The following MED27 variants were observed in gnomAD, a reference collection of about 807,000 sequenced individuals.
The protein encoded by MED27 is mediator complex subunit 27.
MED27 carries 30 observed loss-of-function variants against 38.2 expected under a neutral mutation model. That is an observed-to-expected ratio of 0.79 (90% CI 0.59 to 1.07). The LOEUF (loss-of-function observed/expected upper bound fraction) is 1.07, where lower values mean the gene tolerates loss of function less well. MED27 is among the 50% of genes least tolerant of loss of function. The pLI is 0.00. For synonymous variants in MED27, 122 were observed against 153.5 expected, an observed-to-expected ratio of 0.79 and a Z score of 1.52; for missense variants, 289 against 397.5, an observed-to-expected ratio of 0.73 and a Z score of 2.32.
chr9:132,004,108 G>A (rs1435201642), intron 3 of MED27, among the ~76,000 whole-genome samples: 1 of 152,158 alleles, frequency 6.6e-6, no homozygotes, highest in Non-Finnish European at 1.5e-5. Context: ...CCCCCGGGAC[G>A]CAGCAGGGGA....
At chr9:131,908,497 TAGAC>T (rs1830123359) in intron 4 of MED27, among the ~76,000 whole-genome samples, 1 of 152,132 alleles carries the variant, frequency 6.6e-6, no homozygotes, top group African/African-American at 2.4e-5. Flanking sequence ...TAGAAAGAAG[TAGAC>T]ATGGGAGACT....
intron 2 of MED27, among the ~76,000 whole-genome samples, chr9:132,050,669 T>C (rs946791977): frequency 6.6e-6 from 1 of 152,164 alleles, no homozygotes; most frequent in Non-Finnish European, 1.5e-5. Flanking sequence ...TGCAGTTTCC[T>C]CTGCTGGAAG....
intron 2 of MED27, among the ~76,000 whole-genome samples, chr9:132,015,034 T>C (rs1832571464): frequency 1.3e-5 from 2 of 152,188 alleles, no homozygotes; most frequent in African/African-American, 4.8e-5. Flanking sequence ...TTGCTTATAA[T>C]AAAAACCATA....
chr9:132,054,909 G>A (rs1470672979), intron 2 of MED27, among the ~76,000 whole-genome samples: 2 of 152,152 alleles, frequency 1.3e-5, no homozygotes, highest in Non-Finnish European at 2.9e-5. Context: ...CCTGTCAGAA[G>A]CAGTCACCCT....
At chr9:132,073,365 T>C in intron 2 of MED27, 3 of 1,014,836 alleles carry the variant, frequency 3.0e-6, no homozygotes, top group Non-Finnish European at 3.5e-6. Context: ...CTTCGATTCA[T>C]TTATTCTTTC....
At chr9:132,068,340 C>T (rs1455188964) in intron 2 of MED27, among the ~76,000 whole-genome samples, 2 of 152,176 alleles carry the variant, frequency 1.3e-5, no homozygotes, top group East Asian at 3.8e-4. Flanking sequence ...AGAAAGCCTC[C>T]AAGTGCCAGC....
chr9:131,954,629 A>G lies in MED27; in HGVS notation c.480-15155T>C, dbSNP rs963005651. Among the ~76,000 whole-genome samples, 12 of 152,146 alleles carry G rather than the reference A, an allele frequency of 7.9e-5. 1 individual carries two copies. Among genetic ancestry groups the G allele is most frequent in the African/African-American group, 2.9e-4 (12 of 41,410 alleles). On this transcript the variant is annotated intron_variant, in intron 3 of 7. Coordinates refer to ENST00000292035, the MANE Select transcript of MED27 (RefSeq NM_004269.4). ...TTATATTGTATATCAGAGGAGAAAGAAAGTGAATCAATTTGACCCCTCTGC... is the reference window on the plus strand; with the variant it reads ...TTATATTGTATATCAGAGGAGAAAGGAAGTGAATCAATTTGACCCCTCTGC...
At chr9:131,908,255 G>A (rs1280230545) in intron 4 of MED27, among the ~76,000 whole-genome samples, 1 of 147,708 alleles carries the variant, frequency 6.8e-6, no homozygotes, top group Non-Finnish European at 1.5e-5. Context: ...AGGGAGGTGG[G>A]GGGGTCAGCC....
At chr9:131,920,150 C>A (rs1589212487) in intron 4 of MED27, among the ~76,000 whole-genome samples, 1 of 152,132 alleles carries the variant, frequency 6.6e-6, no homozygotes, top group Non-Finnish European at 1.5e-5. Context: ...AACAATACTT[C>A]GGTGTCTTAA....
chr9:132,066,861 AT>A (rs1833821222), intron 2 of MED27, among the ~76,000 whole-genome samples: 1 of 152,230 alleles, frequency 6.6e-6, no homozygotes, highest in Non-Finnish European at 1.5e-5. Context: ...AATGAAAAAA[AT>A]AATAAAAATA....
intron 3 of MED27, among the ~76,000 whole-genome samples, chr9:131,968,879 G>A (rs1456447101): frequency 6.6e-6 from 1 of 152,154 alleles, no homozygotes; most frequent in Non-Finnish European, 1.5e-5. Flanking sequence ...TGTCAGCTCA[G>A]CAGCCGCCTT....
chr9:131,882,915 T>G (rs1376354315), intron 6 of MED27, among the ~76,000 whole-genome samples: 2 of 151,868 alleles, frequency 1.3e-5, no homozygotes, highest in Non-Finnish European at 2.9e-5. Flanking sequence ...GGATACTTTT[T>G]TTTTTTTTTT....
intron 6 of MED27, chr9:131,868,824 G>A (rs1170720654): frequency 1.6e-5 from 16 of 985,340 alleles, no homozygotes; most frequent in Non-Finnish European, 1.7e-5. Context: ...CTACAGTTCC[G>A]ACGCCAGGCA....
At chr9:132,079,074 G>A (rs1834117020) in intron 1 of MED27, among the ~76,000 whole-genome samples, 1 of 152,152 alleles carries the variant, frequency 6.6e-6, no homozygotes, top group South Asian at 2.1e-4. Context: ...AACTCCCACA[G>A]GAGTGGGAGT....
intron 2 of MED27, among the ~76,000 whole-genome samples, chr9:132,046,329 T>C (rs1833336504): frequency 6.6e-6 from 1 of 152,192 alleles, no homozygotes; most frequent in African/African-American, 2.4e-5. Context: ...TTTTTTCTAA[T>C]GCTCACAAAA....
Position 131,913,020 on chromosome 9 carries a change from C to T in MED27, c.574-19028G>A, listed in dbSNP as rs1040592861. Reference sequence around the variant, plus strand: ...GGGTAGGTACAATCTACATATAAGTCCCAACTGCACACTAAATTTATCAAC... The same window carrying T: ...GGGTAGGTACAATCTACATATAAGTTCCAACTGCACACTAAATTTATCAAC... On this transcript the variant is annotated intron_variant, in intron 4 of 7. Coordinates refer to ENST00000292035, the MANE Select transcript of MED27 (RefSeq NM_004269.4). This position sits in a 1 kb window ranked among gnomAD's most constrained non-coding sequence, Gnocchi z 4.5. 5.3e-5 allele frequency among the ~76,000 whole-genome samples: 8 copies of T among 152,302 alleles called. No individual in the cohort carries two copies. Among genetic ancestry groups the T allele is most frequent in the African/African-American group, 1.9e-4 (8 of 41,570 alleles).
chr9:131,905,819 T>C (rs1830051710), intron 4 of MED27, among the ~76,000 whole-genome samples: 1 of 151,896 alleles, frequency 6.6e-6, no homozygotes, highest in Non-Finnish European at 1.5e-5. Flanking sequence ...CAGAGCTGCC[T>C]TGGACTGCAA....
chr9:131,920,719 G>T (rs1459115942), intron 4 of MED27, among the ~76,000 whole-genome samples: 26 of 152,300 alleles, frequency 1.7e-4, no homozygotes, highest in African/African-American at 4.3e-4. Context: ...TTGAAGACTA[G>T]GAGGAATGGG....
At chr9:132,043,682 A>T (rs1203786265) in intron 2 of MED27, among the ~76,000 whole-genome samples, 1 of 152,234 alleles carries the variant, frequency 6.6e-6, no homozygotes, top group Non-Finnish European at 1.5e-5. Flanking sequence ...TGATTTAATA[A>T]GGAATTCCTA....
Sources: gnomAD v4.1 joint callset for allele counts (sites outside exome capture counted in the v4.1 genomes callset) on GRCh38, gnomAD v4.1.1 for gene constraint, Gnocchi (gnomAD v3.1) non-coding constraint, MANE v1.5 for transcripts, NCBI Gene and HGNC (gene_info 2026-07-23, HGNC 2026-07-21) for gene names.